The following PLCXD3 variants were observed in gnomAD, a reference collection of about 807,000 sequenced individuals.
The protein encoded by PLCXD3 is PI-PLC X domain-containing protein 3.
A neutral mutation model predicts 25.5 loss-of-function variants in PLCXD3; 19 were observed. The observed-to-expected ratio is 0.75, with a 90% CI of 0.52 to 1.09. The LOEUF is 1.09. PLCXD3 is among the 50% of genes least tolerant of loss of function. The pLI is 0.00. For missense variants in PLCXD3, 411 were observed against 388.1 expected, an observed-to-expected ratio of 1.06 and a Z score of -0.50; for synonymous variants, 174 against 137.6, an observed-to-expected ratio of 1.26 and a Z score of -1.85.
chr5:41,326,366 T>C (rs565200719), intron 2 of PLCXD3, among the ~76,000 whole-genome samples: 5 of 152,152 alleles, frequency 3.3e-5, no homozygotes, highest in Non-Finnish European at 7.3e-5. Context: ...TCAAATTAAT[T>C]TGAGCATTAT....
Position 41,431,892 on chromosome 5 carries a change from G to T in PLCXD3, c.104-49358C>A, listed in dbSNP as rs370147480. 1.6e-4 allele frequency among the ~76,000 whole-genome samples: 24 copies of T among 152,264 alleles called. 1 individual carries two copies. The East Asian group carries it at 2.3e-3, about 15-fold the overall frequency. On this transcript the variant is annotated intron_variant, in intron 1 of 2. Coordinates refer to ENST00000377801, the MANE Select transcript of PLCXD3 (RefSeq NM_001005473.3). ...ACCTCCAATTTCAAGCCATTCTCCT[G>T]CAACTTGTCCATGATAGGTGCTAGG...
intron 1 of PLCXD3, among the ~76,000 whole-genome samples, chr5:41,476,452 G>C (rs913595446): frequency 6.6e-6 from 1 of 152,176 alleles, no homozygotes; most frequent in Non-Finnish European, 1.5e-5. Context: ...ATGCCAGGTA[G>C]AGTATGCCTC....
chr5:41,461,403 A>AT (rs1747872237), intron 1 of PLCXD3, among the ~76,000 whole-genome samples: 1 of 151,912 alleles, frequency 6.6e-6, no homozygotes, highest in African/African-American at 2.4e-5. Flanking sequence ...GTGTAATATG[A>AT]TTTTTTGAAG....
intron 1 of PLCXD3, among the ~76,000 whole-genome samples, chr5:41,460,995 G>C (rs1747859684): frequency 6.6e-6 from 1 of 151,728 alleles, no homozygotes. Context: ...AATATTCTCA[G>C]TAGTGTTGAA....
chr5:41,388,883 A>G (rs927307523), intron 1 of PLCXD3, among the ~76,000 whole-genome samples: 22 of 151,874 alleles, frequency 1.4e-4, no homozygotes, highest in African/African-American at 5.3e-4. Flanking sequence ...ATAATAGAAT[A>G]ATAACACTAC....
chr5:41,482,660 T>C (rs1190233248), intron 1 of PLCXD3, among the ~76,000 whole-genome samples: 1 of 152,224 alleles, frequency 6.6e-6, no homozygotes, highest in Non-Finnish European at 1.5e-5. Context: ...ATGCCCTTTC[T>C]TGCTGTTAGA....
At chr5:41,506,468 C>G (rs1272327433) in intron 1 of PLCXD3, among the ~76,000 whole-genome samples, 1 of 152,186 alleles carries the variant, frequency 6.6e-6, no homozygotes, top group Admixed American at 6.5e-5. Flanking sequence ...TTCTGTATCA[C>G]TATCCACTAA....
chr5:41,453,274 T>G (rs1240590084), intron 1 of PLCXD3, among the ~76,000 whole-genome samples: 2 of 151,920 alleles, frequency 1.3e-5, no homozygotes, highest in South Asian at 2.1e-4. Flanking sequence ...GCCTATCATA[T>G]TCTTATGCCA....
At chr5:41,422,578 T>C (rs1184838458) in intron 1 of PLCXD3, among the ~76,000 whole-genome samples, 1 of 152,214 alleles carries the variant, frequency 6.6e-6, no homozygotes, top group Non-Finnish European at 1.5e-5. Flanking sequence ...CATTAATTGA[T>C]AGAAAAATTG....
chr5:41,362,745 C>T (rs954702838), intron 2 of PLCXD3, among the ~76,000 whole-genome samples: 2 of 152,276 alleles, frequency 1.3e-5, no homozygotes, highest in Non-Finnish European at 2.9e-5. Context: ...TACTGGGATA[C>T]AGCAACTCCT....
chr5:41,453,540 G>A (rs77593926), intron 1 of PLCXD3, among the ~76,000 whole-genome samples: 1,683 of 151,756 alleles, frequency 0.011, 28 homozygotes, highest in African/African-American at 0.038. Context: ...CATTTATCGT[G>A]GTCAAGTTAT....
At chr5:41,466,705 C>A (rs1748024734) in intron 1 of PLCXD3, among the ~76,000 whole-genome samples, 1 of 152,068 alleles carries the variant, frequency 6.6e-6, no homozygotes, top group Non-Finnish European at 1.5e-5. Context: ...CTCCTCCCCA[C>A]CAACTCCCTG....
chr5:41,487,016 C>T (rs762871594), intron 1 of PLCXD3, among the ~76,000 whole-genome samples: 1 of 150,320 alleles, frequency 6.7e-6, no homozygotes, highest in Non-Finnish European at 1.5e-5. Flanking sequence ...ATTTAAAAAC[C>T]AAAGCAGTGT....
chr5:41,483,439 C>G (rs1180650170), intron 1 of PLCXD3, among the ~76,000 whole-genome samples: 11 of 152,040 alleles, frequency 7.2e-5, no homozygotes, highest in African/African-American at 2.7e-4. Context: ...GTTTCTGAGC[C>G]TTGAGACCCC....
chr5:41,447,560 T>A (rs897487082), intron 1 of PLCXD3, among the ~76,000 whole-genome samples: 2 of 152,130 alleles, frequency 1.3e-5, no homozygotes, highest in African/African-American at 2.4e-5. Context: ...CATATTGGAA[T>A]TCAGATGTGA....
intron 1 of PLCXD3, among the ~76,000 whole-genome samples, chr5:41,470,245 A>C (rs1376770423): frequency 6.6e-6 from 1 of 152,246 alleles, no homozygotes; most frequent in Non-Finnish European, 1.5e-5. Context: ...GAATATCTGA[A>C]ACATAAAGAG....
At chr5:41,428,738 A>G (rs771611077) in intron 1 of PLCXD3, among the ~76,000 whole-genome samples, 1 of 152,160 alleles carries the variant, frequency 6.6e-6, no homozygotes, top group Non-Finnish European at 1.5e-5. Flanking sequence ...CAGTCCCTTC[A>G]TCTTCCCTAT....
chr5:41,425,536 T>C (rs1746935626), intron 1 of PLCXD3, among the ~76,000 whole-genome samples: 1 of 152,218 alleles, frequency 6.6e-6, no homozygotes, highest in African/African-American at 2.4e-5. Context: ...TTATACATTC[T>C]ATGGGTTTGG....
intron 2 of PLCXD3, among the ~76,000 whole-genome samples, chr5:41,367,716 T>C (rs1744977244): frequency 1.3e-5 from 2 of 152,206 alleles, no homozygotes; most frequent in African/African-American, 2.4e-5. Flanking sequence ...ATCTTTGCTG[T>C]GCCTATATCC....
Sources: gnomAD v4.1 joint callset for allele counts (sites outside exome capture counted in the v4.1 genomes callset) on GRCh38, gnomAD v4.1.1 for gene constraint, MANE v1.5 for transcripts, NCBI Gene and HGNC (gene_info 2026-07-23, HGNC 2026-07-21) for gene names.